Variants in MYLK4 observed in about 807,000 individuals in gnomAD.
MYLK4 encodes myosin light chain kinase family member 4.
A neutral mutation model predicts 48.1 loss-of-function variants in MYLK4; 46 were observed. The observed-to-expected ratio is 0.96, with a 90% CI of 0.75 to 1.22. MYLK4 has a LOEUF of 1.22. MYLK4 is among the 50% of genes most tolerant of loss of function. The pLI is 0.00. For synonymous variants in MYLK4, 170 were observed against 180.8 expected (o/e 0.94, Z 0.48); for missense variants, 451 against 486.1 (o/e 0.93, Z 0.68).
chr6:2,744,126 T>C (rs898236261), intron 2 of MYLK4: 70 of 333,244 alleles, frequency 2.1e-4, no homozygotes, highest in Admixed American at 3.5e-4. Context: ...GTGTCACCCT[T>C]TGCTCTGCCC....
chr6:2,694,754 C>T (rs1582057829), intron 2 of MYLK4, among the ~76,000 whole-genome samples: 1 of 151,784 alleles, frequency 6.6e-6, no homozygotes, highest in East Asian at 1.9e-4. Flanking sequence ...TGCTAACAGC[C>T]CTTTAAGATA....
chr6:2,691,073 A>G (rs913942745), intron 3 of MYLK4, among the ~76,000 whole-genome samples: 10 of 152,040 alleles, frequency 6.6e-5, no homozygotes, highest in Admixed American at 5.2e-4. Flanking sequence ...CTCGTGATCC[A>G]ACTGCCTCAG....
At chr6:2,765,777 C>A in the MYLK4 span, 1 of 1,442,616 alleles carries the variant, frequency 6.9e-7, no homozygotes, top group Non-Finnish European at 9.1e-7. Flanking sequence ...GAGCCCGCGG[C>A]CGGGTCGCAC....
At chr6:2,690,195 C>T (rs1046509512) in intron 3 of MYLK4, among the ~76,000 whole-genome samples, 1 of 152,190 alleles carries the variant, frequency 6.6e-6, no homozygotes, top group Non-Finnish European at 1.5e-5. Context: ...CCAGCAGACT[C>T]CCTGAGTCGG....
At chr6:2,768,667 C>T in the MYLK4 span, 1 of 1,565,682 alleles carries the variant, frequency 6.4e-7, no homozygotes, top group Non-Finnish European at 8.7e-7. Context: ...GCTTTTCAAA[C>T]TCCATGTATG....
At chr6:2,669,664 C>T (rs926324801) in intron 12 of MYLK4, among the ~76,000 whole-genome samples, 13 of 152,148 alleles carry the variant, frequency 8.5e-5, no homozygotes, top group Admixed American at 2.6e-4. Flanking sequence ...CAGGAACTGA[C>T]GGTGCAGGAC....
chr6:2,690,987 C>A (rs1255968929), intron 3 of MYLK4, among the ~76,000 whole-genome samples: 2 of 152,082 alleles, frequency 1.3e-5, no homozygotes, highest in South Asian at 4.1e-4. Flanking sequence ...CGCCACCACG[C>A]CCGGCTAATT....
At chr6:2,725,964 T>C (rs938245560) in intron 2 of MYLK4, among the ~76,000 whole-genome samples, 1 of 152,176 alleles carries the variant, frequency 6.6e-6, no homozygotes, top group African/African-American at 2.4e-5. Flanking sequence ...AAGCTCAGTG[T>C]TTGGAAGGTC....
At chr6:2,732,960 A>G (rs1294550469) in intron 2 of MYLK4, among the ~76,000 whole-genome samples, 1 of 152,170 alleles carries the variant, frequency 6.6e-6, no homozygotes, top group Non-Finnish European at 1.5e-5. Flanking sequence ...ATAACACTGG[A>G]GTTGGATTTC....
chr6:2,694,570 T>TGATGGTGGCGGCGGTGGC (rs1761977432), intron 2 of MYLK4, among the ~76,000 whole-genome samples: 2 of 122,850 alleles, frequency 1.6e-5, no homozygotes, highest in Non-Finnish European at 1.7e-5. Context: ...GTGGTAGTGG[T>TGATGGTGGCGGCGGTGGC]AGTGCTGCTG....
chr6:2,751,861 G>T (rs540343905), upstream of MYLK4, among the ~76,000 whole-genome samples: 100 of 152,230 alleles, frequency 6.6e-4, no homozygotes, highest in Middle Eastern at 6.8e-3. Flanking sequence ...CAAAACGCTT[G>T]TTATTTTTCA....
intron 2 of MYLK4, among the ~76,000 whole-genome samples, chr6:2,739,699 A>G (rs1763822757): frequency 6.6e-6 from 1 of 152,240 alleles, no homozygotes; most frequent in Non-Finnish European, 1.5e-5. Context: ...AAATCATTAC[A>G]ATTAATACAA....
chr6:2,684,541 C>A (rs1761451557), intron 6 of MYLK4, among the ~76,000 whole-genome samples: 1 of 152,142 alleles, frequency 6.6e-6, no homozygotes, highest in African/African-American at 2.4e-5. Context: ...AGTCGGCCCT[C>A]CCTATTCGTG....
At chr6:2,751,780 G>T (rs1224818776), upstream of MYLK4, among the ~76,000 whole-genome samples, 2 of 152,076 alleles carry the variant, frequency 1.3e-5, no homozygotes, top group Non-Finnish European at 1.5e-5. Context: ...TGCATTCCAT[G>T]TGAAATAAAA....
the MYLK4 span, among the ~76,000 whole-genome samples, chr6:2,762,385 G>A: frequency 1.3e-5 from 2 of 152,154 alleles, no homozygotes; most frequent in African/African-American, 4.8e-5. Context: ...AAGTAGACTT[G>A]TAGATTTTCC....
At chr6:2,701,419 G>T (rs1762275245) in intron 2 of MYLK4, among the ~76,000 whole-genome samples, 1 of 152,100 alleles carries the variant, frequency 6.6e-6, no homozygotes, top group South Asian at 2.1e-4. Context: ...GGCGAGGTGT[G>T]GTCCCCTGGA....
intron 2 of MYLK4, among the ~76,000 whole-genome samples, chr6:2,727,506 A>G (rs1763319780): frequency 6.6e-6 from 1 of 152,192 alleles, no homozygotes; most frequent in Non-Finnish European, 1.5e-5. Flanking sequence ...GCCGCTCTTC[A>G]TAGAAAATGA....
intron 4 of MYLK4, among the ~76,000 whole-genome samples, chr6:2,686,974 TC>T (rs943040546): frequency 2.1e-4 from 32 of 152,284 alleles, no homozygotes; most frequent in African/African-American, 7.5e-4. Flanking sequence ...TCTGACTCTT[TC>T]CCCTGATTTA....
chr6:2,752,343 C>G (rs1764313657), upstream of MYLK4, among the ~76,000 whole-genome samples: 1 of 152,086 alleles, frequency 6.6e-6, no homozygotes, highest in African/African-American at 2.4e-5. Flanking sequence ...AATTAATGAA[C>G]CATGGTGAAC....
Sources: allele counts gnomAD v4.1 joint callset (sites outside exome capture counted in the v4.1 genomes callset), GRCh38; gene constraint gnomAD v4.1.1; transcripts MANE v1.5; gene names NCBI Gene and HGNC (gene_info 2026-07-23, HGNC 2026-07-21).